Variants in CTNNA3 observed in about 807,000 individuals in gnomAD.
CTNNA3 encodes the protein catenin alpha 3.
A neutral mutation model predicts 95.7 loss-of-function variants in CTNNA3; 76 were observed. The observed-to-expected ratio is 0.79, with a 90% confidence interval of 0.66 to 0.96. The LOEUF is 0.96. Among genes scored for constraint, CTNNA3 ranks in the 40% least tolerant of loss-of-function variants. CTNNA3 has a pLI of 0.00. For synonymous variants in CTNNA3, 431 were observed against 374.4 expected (o/e 1.15, Z -1.74); for missense variants, 1,191 against 1,089.8 (o/e 1.09, Z -1.31).
At chr10:67,673,763 A>G (rs1184716841) in intron 1 of CTNNA3, among the ~76,000 whole-genome samples, 2 of 141,228 alleles carry the variant, frequency 1.4e-5, no homozygotes, top group Admixed American at 1.4e-4. Context: ...TTTTTATCAC[A>G]TAACAAGAAG....
chr10:66,958,221 T>G (rs541498846), intron 7 of CTNNA3, among the ~76,000 whole-genome samples: 6 of 150,982 alleles, frequency 4.0e-5, no homozygotes, highest in African/African-American at 1.5e-4. Flanking sequence ...TTGGCCCAAC[T>G]GATTTATTTG....
chr10:66,334,870 A>T (rs758215343), intron 12 of CTNNA3, among the ~76,000 whole-genome samples: 1 of 152,088 alleles, frequency 6.6e-6, no homozygotes, highest in Non-Finnish European at 1.5e-5. Flanking sequence ...AGGTACACCA[A>T]TCAGACGTAG....
intron 7 of CTNNA3, among the ~76,000 whole-genome samples, chr10:67,023,595 C>A (rs755101998): frequency 3.3e-5 from 5 of 152,106 alleles, no homozygotes; most frequent in African/African-American, 4.8e-5. Flanking sequence ...AGGTGATGAT[C>A]CTCAGCTTGG....
chr10:67,658,068 A>G (rs1480781881), intron 1 of CTNNA3, among the ~76,000 whole-genome samples: 1 of 152,074 alleles, frequency 6.6e-6, no homozygotes, highest in Non-Finnish European at 1.5e-5. Context: ...CGTCTGCTAA[A>G]GAGTTCTTAA....
intron 12 of CTNNA3, among the ~76,000 whole-genome samples, chr10:66,370,289 T>C (rs905086038): frequency 2.0e-5 from 3 of 152,144 alleles, no homozygotes; most frequent in African/African-American, 7.2e-5. Flanking sequence ...TAGCTGTCTT[T>C]GCAGCTACAG....
chr10:66,908,956 T>C (rs140125022), intron 7 of CTNNA3, among the ~76,000 whole-genome samples: 15 of 152,330 alleles, frequency 9.8e-5, no homozygotes, highest in Admixed American at 8.5e-4. Context: ...GAGGACCAGA[T>C]TACAAACAGT....
chr10:66,098,205 A>G (rs2081477558), intron 14 of CTNNA3: 1 of 152,174 alleles, frequency 6.6e-6, no homozygotes, highest in Admixed American at 6.6e-5. Context: ...CTAGTACAGC[A>G]ATTTATAATA....
intron 1 of CTNNA3, among the ~76,000 whole-genome samples, chr10:67,671,938 G>C (rs1840443681): frequency 6.6e-6 from 1 of 152,074 alleles, no homozygotes; most frequent in African/African-American, 2.4e-5. Flanking sequence ...TCGCCACACT[G>C]ACTTCCACAA....
At chr10:66,955,760 C>T (rs1848757105) in intron 7 of CTNNA3, among the ~76,000 whole-genome samples, 1 of 152,122 alleles carries the variant, frequency 6.6e-6, no homozygotes, top group African/African-American at 2.4e-5. Context: ...CCCTAGGTTA[C>T]AAGAGTTTCT....
chr10:67,147,256 G>C (rs1860891282), intron 7 of CTNNA3, among the ~76,000 whole-genome samples: 1 of 152,152 alleles, frequency 6.6e-6, no homozygotes, highest in African/African-American at 2.4e-5. Context: ...ATAGCCTGAA[G>C]TTTTAAGTTC....
chr10:65,980,526 CA>C (rs765928337), intron 16 of CTNNA3, among the ~76,000 whole-genome samples: 78 of 116,652 alleles, frequency 6.7e-4, no homozygotes, highest in South Asian at 8.0e-4. Flanking sequence ...AAGGACATAA[CA>C]AAAAAAAAAA....
chr10:66,554,701 G>T (rs1842337878), intron 10 of CTNNA3, among the ~76,000 whole-genome samples: 1 of 152,062 alleles, frequency 6.6e-6, no homozygotes, highest in Admixed American at 6.5e-5. Flanking sequence ...TTTAAAAAAT[G>T]TAGTAAATGT....
intron 7 of CTNNA3, among the ~76,000 whole-genome samples, chr10:66,978,701 A>C (rs1460893022): frequency 6.7e-6 from 1 of 149,994 alleles, no homozygotes; most frequent in Non-Finnish European, 1.5e-5. Flanking sequence ...GCAATTCATA[A>C]AGTTCCAGTG....
intron 7 of CTNNA3, among the ~76,000 whole-genome samples, chr10:67,123,158 T>C (rs537084471): frequency 7.2e-5 from 11 of 152,248 alleles, no homozygotes; most frequent in Admixed American, 3.3e-4. Context: ...CCATGCATTC[T>C]GATGAACCAA....
chr10:65,981,487 GA>G (rs1363636263), intron 16 of CTNNA3, among the ~76,000 whole-genome samples: 1 of 151,818 alleles, frequency 6.6e-6, no homozygotes, highest in Non-Finnish European at 1.5e-5. Context: ...TACAGAGTTA[GA>G]AAAAACAATC....
chr10:66,734,439 CT>C (rs1251440535), intron 9 of CTNNA3, among the ~76,000 whole-genome samples: 5 of 151,906 alleles, frequency 3.3e-5, no homozygotes, highest in Non-Finnish European at 5.9e-5. Flanking sequence ...AAGAAAATAC[CT>C]TTTTATTTCT....
intron 5 of CTNNA3, among the ~76,000 whole-genome samples, chr10:67,442,578 A>G (rs973450332): frequency 6.6e-6 from 1 of 152,174 alleles, no homozygotes; most frequent in Admixed American, 6.5e-5. Flanking sequence ...TACATCAGAC[A>G]TAATAGATTT....
chr10:67,527,192 C>T (rs1008364631), intron 4 of CTNNA3, among the ~76,000 whole-genome samples: 2 of 151,866 alleles, frequency 1.3e-5, no homozygotes, highest in African/African-American at 4.8e-5. Context: ...AGGAGGCAGA[C>T]GTTGCAGTGA....
At chr10:66,154,078 A>G (rs1589572858) in intron 13 of CTNNA3, among the ~76,000 whole-genome samples, 1 of 151,968 alleles carries the variant, frequency 6.6e-6, no homozygotes, top group East Asian at 1.9e-4. Context: ...ACAGCTCAAA[A>G]TATTCAGCAA....
Sources: gnomAD v4.1 joint callset for allele counts (sites outside exome capture counted in the v4.1 genomes callset) on GRCh38, gnomAD v4.1.1 for gene constraint, MANE v1.5 for transcripts, NCBI Gene and HGNC (gene_info 2026-07-23, HGNC 2026-07-21) for gene names.